The following ATP8A2 variants were observed in gnomAD, a reference collection of about 807,000 sequenced individuals.
ATP8A2 encodes the protein phospholipid-transporting ATPase IB.
ATP8A2 carries 100 observed loss-of-function variants against 165.6 expected under a neutral mutation model. That is an observed-to-expected ratio of 0.60 (90% CI 0.51 to 0.71). ATP8A2 has a LOEUF of 0.71. Among genes scored for constraint, ATP8A2 ranks in the 30% least tolerant of loss-of-function variants. The probability of loss-of-function intolerance (pLI) is 0.00; values close to 1 mark genes in which losing one functional copy is unlikely to be tolerated. For synonymous variants in ATP8A2, 543 were observed against 548.8 expected (o/e 0.99, Z 0.15); for missense variants, 1,227 against 1,479.5 (o/e 0.83, Z 2.80).
chr13:25,477,638 A>G lies in ATP8A2; in HGVS notation c.221+8517A>G, dbSNP rs114197434. On this transcript the variant is annotated intron_variant, in intron 2 of 36. Transcript: ENST00000381655. ...ACTCTATTATTTTTGCAACTCTTCT[A>G]TAAGTATACAGTTTTCGGCCAGGTG... Among the ~76,000 whole-genome samples the G allele has an allele frequency of 4.7e-3, 718 of 152,264 alleles. 3 individuals carry two copies. Among genetic ancestry groups the G allele is most frequent in the African/African-American group, 0.016 (670 of 41,554 alleles).
In ATP8A2 at chr13:25,939,750, C is replaced by T. The variant is rs73472987; in HGVS notation, c.3184-21825C>T. Among the ~76,000 whole-genome samples, 228 of 152,352 alleles carry T rather than the reference C, an allele frequency of 1.5e-3. 1 individual carries two copies. Among genetic ancestry groups the T allele is most frequent in the African/African-American group, 5.2e-3 (216 of 41,570 alleles). On this transcript the variant is annotated intron_variant, in intron 33 of 36. Coordinates refer to ENST00000381655, the MANE Select transcript of ATP8A2 (RefSeq NM_016529.6). ...CCGATTCCCCGACTCACAGCCATCC[C>T]TGGTTCGGCTGCCTCCTGCCACCAT... is the stretch of plus-strand genomic sequence containing the variant.
At chr13:25,800,035 C>T (rs8002694) in intron 27 of ATP8A2, among the ~76,000 whole-genome samples, 23,301 of 152,122 alleles carry the variant, frequency 0.15, 1,985 homozygotes, top group Admixed American at 0.23. Context: ...TTTAATGTAC[C>T]GTCCATTGCT....
intron 27 of ATP8A2, among the ~76,000 whole-genome samples, chr13:25,783,097 C>T (rs1249486381): frequency 6.6e-6 from 1 of 152,062 alleles, no homozygotes; most frequent in Non-Finnish European, 1.5e-5. Flanking sequence ...GTTTTTCTTT[C>T]CTGAATATTT....
chr13:25,724,353 A>G (rs1447310104), intron 25 of ATP8A2, among the ~76,000 whole-genome samples: 2 of 152,182 alleles, frequency 1.3e-5, no homozygotes, highest in East Asian at 1.9e-4. Context: ...AGCGGTAGAA[A>G]TGGGATGTGT....
chr13:25,740,860 A>G (rs1488097253), intron 25 of ATP8A2, among the ~76,000 whole-genome samples: 1 of 152,160 alleles, frequency 6.6e-6, no homozygotes, highest in Non-Finnish European at 1.5e-5. Context: ...TCACATAATT[A>G]TGTTGTAGAG....
chr13:25,910,606 A>T (rs1954075243), intron 33 of ATP8A2, among the ~76,000 whole-genome samples: 1 of 152,190 alleles, frequency 6.6e-6, no homozygotes, highest in Non-Finnish European at 1.5e-5. Context: ...TTGGAAAAAC[A>T]TGGGACAACG....
At chr13:25,692,962 A>G (rs543152944) in intron 24 of ATP8A2, among the ~76,000 whole-genome samples, 1 of 152,338 alleles carries the variant, frequency 6.6e-6, no homozygotes, top group South Asian at 2.1e-4. Flanking sequence ...TTAACACCTA[A>G]AAGCAAAATA....
At chr13:25,760,141 C>G (rs935778715) in intron 25 of ATP8A2, among the ~76,000 whole-genome samples, 1 of 152,172 alleles carries the variant, frequency 6.6e-6, no homozygotes, top group Non-Finnish European at 1.5e-5. Context: ...GGCTTGAGTA[C>G]AGGATCGAGT....
chr13:25,961,684 G>A, intron 34 of ATP8A2, 21 bp downstream of exon 34: 1 of 1,570,266 alleles, frequency 6.4e-7, no homozygotes, highest in Non-Finnish European at 8.8e-7. Flanking sequence ...CAGTGAAGCG[G>A]GGACCCTAAG....
chr13:25,796,054 A>G (rs1282872263), intron 27 of ATP8A2, among the ~76,000 whole-genome samples: 1 of 151,930 alleles, frequency 6.6e-6, no homozygotes, highest in East Asian at 1.9e-4. Flanking sequence ...GGTTCAAGCA[A>G]TTCTCCTGCC....
chr13:25,960,665 G>A (rs1159029906), intron 33 of ATP8A2, among the ~76,000 whole-genome samples: 2 of 152,172 alleles, frequency 1.3e-5, no homozygotes, highest in Middle Eastern at 3.4e-3. Flanking sequence ...AAAATTGAAG[G>A]CATCTGCCCT....
chr13:25,507,540 A>G, intron 2 of ATP8A2, among the ~76,000 whole-genome samples: 1 of 152,170 alleles, frequency 6.6e-6, no homozygotes, highest in African/African-American at 2.4e-5. Flanking sequence ...TGCTAGGATT[A>G]CAGGTGTCAG....
chr13:25,389,902 A>C (rs2033183712), intron 1 of ATP8A2, among the ~76,000 whole-genome samples: 1 of 152,256 alleles, frequency 6.6e-6, no homozygotes, highest in South Asian at 2.1e-4. Context: ...AGGAGTTGTG[A>C]GGATAAATGA....
At chr13:25,712,721 A>G (rs964213745) in intron 25 of ATP8A2, among the ~76,000 whole-genome samples, 7 of 152,246 alleles carry the variant, frequency 4.6e-5, no homozygotes, top group African/African-American at 1.4e-4. Flanking sequence ...GCTATGTATT[A>G]AAAATTCTTA....
At chr13:25,549,435 G>A (rs923894120) in intron 10 of ATP8A2, among the ~76,000 whole-genome samples, 18 of 150,358 alleles carry the variant, frequency 1.2e-4, no homozygotes, top group Admixed American at 6.6e-5. Context: ...ACTCCAGCCT[G>A]GGCAACACGG....
chr13:25,644,671 C>G (rs1421441051), intron 24 of ATP8A2, among the ~76,000 whole-genome samples: 1 of 151,990 alleles, frequency 6.6e-6, no homozygotes, highest in Non-Finnish European at 1.5e-5. Flanking sequence ...AACAGTGGAG[C>G]CATCTAGCCT....
intron 24 of ATP8A2, among the ~76,000 whole-genome samples, chr13:25,677,955 T>G (rs1406332018): frequency 1.3e-5 from 2 of 152,084 alleles, no homozygotes; most frequent in Non-Finnish European, 2.9e-5. Context: ...GTGGGGGATA[T>G]TACAGAGGGT....
At chr13:25,427,412 C>G (rs2034482165) in intron 1 of ATP8A2, among the ~76,000 whole-genome samples, 1 of 152,018 alleles carries the variant, frequency 6.6e-6, no homozygotes, top group Non-Finnish European at 1.5e-5. Flanking sequence ...TTATATATCA[C>G]AATGTAATAA....
At chr13:25,698,422 G>C (rs1156883728) in intron 24 of ATP8A2, among the ~76,000 whole-genome samples, 1 of 151,960 alleles carries the variant, frequency 6.6e-6, no homozygotes, top group Non-Finnish European at 1.5e-5. Context: ...TCGTAGAGAC[G>C]GGGTTTCTCT....
Sources: allele counts gnomAD v4.1 joint callset (sites outside exome capture counted in the v4.1 genomes callset), GRCh38; gene constraint gnomAD v4.1.1; transcripts MANE v1.5; gene names NCBI Gene and HGNC (gene_info 2026-07-23, HGNC 2026-07-21).